The following FXR1 variants were observed in gnomAD, a reference collection of about 807,000 sequenced individuals.
FXR1 encodes the protein FMR1 autosomal homolog 1.
Under a neutral mutation model 84.0 loss-of-function variants are expected in FXR1, and 15 were observed. The observed-to-expected ratio is 0.18, with a 90% CI of 0.12 to 0.27. The LOEUF (loss-of-function observed/expected upper bound fraction) is 0.27. Among genes scored for constraint, FXR1 ranks in the 10% least tolerant of loss-of-function variants. The pLI is 1.00. For synonymous variants in FXR1, 245 were observed against 250.7 expected, an observed-to-expected ratio of 0.98 and a Z score of 0.21; for missense variants, 480 against 774.4, an observed-to-expected ratio of 0.62 and a Z score of 4.51.
intron 15 of FXR1, chr3:180,970,726 CATAT>C (rs1465672012): frequency 1.9e-5 from 3 of 154,480 alleles, no homozygotes; most frequent in African/African-American, 7.2e-5. Flanking sequence ...GGTAAAGGTA[CATAT>C]ATCAAGAGTA....
chr3:180,955,055 T>A (rs905414749), intron 9 of FXR1, among the ~76,000 whole-genome samples: 2 of 150,514 alleles, frequency 1.3e-5, no homozygotes, highest in African/African-American at 4.9e-5. Flanking sequence ...GTTGCAGCGA[T>A]GCAATCTCGG....
chr3:180,962,563 T>C (rs762166017), intron 11 of FXR1, among the ~76,000 whole-genome samples: 2 of 152,222 alleles, frequency 1.3e-5, no homozygotes, highest in Non-Finnish European at 1.5e-5. Flanking sequence ...AATCTGGTAA[T>C]ATTGTATAAT....
At position 180,962,855 on chromosome 3, in the gene FXR1, G is replaced by A. The variant is rs190664425; in HGVS notation, c.1078-28G>A. On this transcript the variant is annotated intron_variant, in intron 11 of 16. Coordinates refer to ENST00000357559, the MANE Select transcript of FXR1 (RefSeq NM_005087.4). ...GAAAACAAAAAGTTATATATAAGAAGACTTACTCTTTTTTGTTTTGATTGT... is the reference window on the plus strand; with the variant it reads ...GAAAACAAAAAGTTATATATAAGAAAACTTACTCTTTTTTGTTTTGATTGT... The A allele has an allele frequency of 1.3e-4, 187 of 1,476,008 alleles. 1 individual carries two copies. The East Asian group carries it at 4.2e-3, about 33-fold the overall frequency. The allele number at this position is 1,476,008 out of a possible 1,614,324, so 91.4% of individuals were successfully genotyped here.
At chr3:180,913,165 C>T (rs1044886107) in intron 1 of FXR1, among the ~76,000 whole-genome samples, 9 of 152,122 alleles carry the variant, frequency 5.9e-5, no homozygotes, top group African/African-American at 2.2e-4. Flanking sequence ...CTCCTCAGCC[C>T]GCTCCTCCGA....
chr3:180,949,477 C>T (rs920553289), intron 7 of FXR1, 134 bp downstream of exon 7: 1 of 664,696 alleles, frequency 1.5e-6, no homozygotes, highest in East Asian at 2.7e-5. Flanking sequence ...ACCTCCACCT[C>T]CCGGATTCAA....
intron 1 of FXR1, among the ~76,000 whole-genome samples, chr3:180,925,171 G>T (rs1339182932): frequency 3.3e-5 from 5 of 151,964 alleles, no homozygotes; most frequent in Non-Finnish European, 7.4e-5. Flanking sequence ...GACCAGCCTG[G>T]CTAATATGGT....
At chr3:180,962,308 C>A (rs1459965517) in intron 11 of FXR1, among the ~76,000 whole-genome samples, 4 of 152,114 alleles carry the variant, frequency 2.6e-5, no homozygotes, top group African/African-American at 9.7e-5. Context: ...TATGAAAAGT[C>A]GCAATTAAAG....
At chr3:180,963,003 G>A (rs1015770117) in intron 12 of FXR1, 25 bp from the exon 13 acceptor site, 2 of 1,607,674 alleles carry the variant, frequency 1.2e-6, no homozygotes, top group African/African-American at 2.7e-5. Flanking sequence ...TGCCACTGAT[G>A]AAAGTACCGT....
chr3:180,923,863 A>G, intron 1 of FXR1, among the ~76,000 whole-genome samples: 1 of 151,892 alleles, frequency 6.6e-6, no homozygotes, highest in East Asian at 1.9e-4. Flanking sequence ...GTGGGTTGGG[A>G]TTACAGACCC....
At chr3:180,948,247 G>T in intron 4 of FXR1, 100 bp from the exon 5 acceptor site, 1 of 781,978 alleles carries the variant, frequency 1.3e-6, no homozygotes. Flanking sequence ...CCACATGGGG[G>T]AGGGTCCGTT....
chr3:180,935,999 C>T (rs1018252409), intron 3 of FXR1, among the ~76,000 whole-genome samples: 1 of 152,146 alleles, frequency 6.6e-6, no homozygotes, highest in Non-Finnish European at 1.5e-5. Context: ...TCAAGCGATT[C>T]ACCTGCCTCA....
At chr3:180,963,228 A>G in intron 13 of FXR1, 138 bp downstream of exon 13, 1 of 584,974 alleles carries the variant, frequency 1.7e-6, no homozygotes, top group Non-Finnish European at 3.0e-6. Flanking sequence ...CTGAAGGTTT[A>G]GTACACGTCT....
At chr3:180,963,456 A>G (rs1712400977) in intron 13 of FXR1, among the ~76,000 whole-genome samples, 1 of 152,144 alleles carries the variant, frequency 6.6e-6, no homozygotes, top group South Asian at 2.1e-4. Flanking sequence ...TGATACTTCT[A>G]GGAATCATCT....
In FXR1 at chr3:180,979,385, T is replaced by C. The variant is rs1057431733; in HGVS notation, c.*3093T>C. 2 of 152,110 alleles carry C rather than the reference T, an allele frequency of 1.3e-5. No homozygotes were observed. The highest frequency in any genetic ancestry group is 4.8e-5 in the African/African-American group (2 of 41,438). The allele number at this position is 152,110 out of a possible 1,614,324, so 9.4% of individuals were successfully genotyped here. A position where few individuals can be genotyped will look rare whatever the true frequency, so the allele number is the denominator to read the frequency against. The stretch of plus-strand genomic sequence containing the variant: ...CACCTGGATTTTCTTCTGTAAAGTT[T>C]CAAGGAACTTGGATTTGAACTGTGA... On this transcript the variant is annotated 3_prime_UTR_variant, in exon 17 of 17. Transcript: ENST00000357559.
At position 180,976,366 on chromosome 3, in the gene FXR1, A is replaced by C; in HGVS notation, c.*74A>C. On this transcript the variant is annotated 3_prime_UTR_variant, in exon 17 of 17. Coordinates refer to ENST00000357559, the MANE Select transcript of FXR1 (RefSeq NM_005087.4). ...GTGCTTGTACAAGCTTGCCAAAGAT[A>C]GAATATGGATCGCCAGTCTTTACAT... 1 of 1,009,252 alleles carries C rather than the reference A, an allele frequency of 9.9e-7. No individual in the cohort carries two copies. Among genetic ancestry groups the C allele is most frequent in the Non-Finnish European group, 1.4e-6 (1 of 694,722 alleles). The allele number at this position is 1,009,252 out of a possible 1,614,324, so 62.5% of individuals were successfully genotyped here.
intron 14 of FXR1, among the ~76,000 whole-genome samples, chr3:180,969,934 T>C (rs932874694): frequency 6.6e-5 from 10 of 152,226 alleles, no homozygotes; most frequent in African/African-American, 2.2e-4. Context: ...AGATGTCTGC[T>C]TACTTTCTGC....
At chr3:180,939,262 G>C (rs1036475929) in intron 3 of FXR1, among the ~76,000 whole-genome samples, 1 of 152,070 alleles carries the variant, frequency 6.6e-6, no homozygotes, top group South Asian at 2.1e-4. Flanking sequence ...ATACCGGTGG[G>C]GGGGTGTGGG....
chr3:180,917,907 A>G (rs1718091784), intron 1 of FXR1, among the ~76,000 whole-genome samples: 1 of 138,642 alleles, frequency 7.2e-6, no homozygotes, highest in African/African-American at 2.7e-5. Flanking sequence ...AGATCATGCC[A>G]TTGCACTCCA....
At chr3:180,943,292 T>G (rs1290017821) in intron 3 of FXR1, among the ~76,000 whole-genome samples, 3 of 90,192 alleles carry the variant, frequency 3.3e-5, no homozygotes, top group Non-Finnish European at 6.6e-5. Context: ...TTTTTTTTTT[T>G]AAGAAGGAGT....
Sources: gnomAD v4.1 joint callset for allele counts (sites outside exome capture counted in the v4.1 genomes callset) on GRCh38, gnomAD v4.1.1 for gene constraint, MANE v1.5 for transcripts, NCBI Gene and HGNC (gene_info 2026-07-23, HGNC 2026-07-21) for gene names.